The following MROH1 variants were observed in gnomAD, a reference collection of about 807,000 sequenced individuals.
The protein encoded by MROH1 is maestro heat like repeat family member 1, also known as maestro heat-like repeat-containing protein family member 1.
A neutral mutation model predicts 116.5 loss-of-function variants in MROH1; 117 were observed. The observed-to-expected ratio is 1.00, with a 90% CI of 0.86 to 1.17. MROH1 has a LOEUF of 1.17. Among genes scored for constraint, MROH1 ranks in the 50% most tolerant of loss-of-function variants. The pLI, the probability that MROH1 is intolerant of heterozygous loss-of-function variation, is 0.00. For synonymous variants in MROH1, 921 were observed against 583.9 expected (o/e 1.58, Z -8.32); for missense variants, 1,873 against 1,338.5 (o/e 1.40, Z -6.23).
Position 144,148,089 on chromosome 8 carries a change from T to TG in MROH1, c.-177+17dup, listed in dbSNP as rs1178805684. 4 of 151,004 alleles carry TG rather than the reference T, an allele frequency of 2.6e-5. No homozygotes were observed. The highest frequency in any genetic ancestry group is 9.8e-5 in the African/African-American group (4 of 40,962). The allele number at this position is 151,004 out of a possible 1,614,324, so 9.4% of individuals were successfully genotyped here. ...GGCGGCTCCTCAGGTAAACGGCGGG[T>TG]GGGGATGAGCCTTCGGCGGCGCTGG... On this transcript the variant is annotated intron_variant, in intron 1 of 43. Coordinates refer to ENST00000326134, the MANE Select transcript of MROH1 (RefSeq NM_032450.3).
rs201317050 is a variant in MROH1 at position 144,180,475 on chromosome 8, G to C, written c.514G>C (p.Val172Leu). 38 of 1,612,494 alleles carry C rather than the reference G, an allele frequency of 2.4e-5. No homozygotes were observed. The highest frequency in any genetic ancestry group is 2.9e-5 in the Non-Finnish European group (34 of 1,179,822). Residue 172 changes from valine to leucine, a missense_variant, in exon 7 of 44, where the codon GTG becomes CTG. Physicochemically the swap from Val to Leu is conservative, Grantham distance 32. Coordinates refer to ENST00000326134, the MANE Select transcript of MROH1 (RefSeq NM_032450.3). The surrounding 1 kb of genome is among the most constrained non-coding windows in gnomAD (Gnocchi z 7.4). ...LPSVLSSLLP[V>L]LGVAKQDTVR... Reference sequence around the variant, plus strand: ...ATCCGTCCTGAGCTCCCTGCTGCCCGTGCTGGGCGTGGCCAAGCAGGACAC... The same window carrying C: ...ATCCGTCCTGAGCTCCCTGCTGCCCCTGCTGGGCGTGGCCAAGCAGGACAC...
At chr8:144,186,265 GTGCCCGCCACCACACCC>G (rs1183699296) in intron 7 of MROH1, among the ~76,000 whole-genome samples, 1 of 151,974 alleles carries the variant, frequency 6.6e-6, no homozygotes, top group Non-Finnish European at 1.5e-5. Context: ...GCGACCAGAG[GTGCCCGCCACCACACCC>G]AGCTAATTTT....
intron 12 of MROH1, among the ~76,000 whole-genome samples, chr8:144,216,149 A>C (rs1327386369): frequency 6.6e-6 from 1 of 151,844 alleles, no homozygotes. Flanking sequence ...ATTGCACTCC[A>C]GCCTGGGCAG....
chr8:144,183,333 A>T (rs1180248162), intron 7 of MROH1, among the ~76,000 whole-genome samples: 1 of 150,850 alleles, frequency 6.6e-6, no homozygotes, highest in Non-Finnish European at 1.5e-5. Flanking sequence ...GTGAACCAAG[A>T]TCAAGCTACT....
chr8:144,188,972 C>T (rs1045705276), intron 7 of MROH1, among the ~76,000 whole-genome samples: 5 of 152,200 alleles, frequency 3.3e-5, no homozygotes, highest in Non-Finnish European at 5.9e-5. Flanking sequence ...GCCAGAACCA[C>T]ACAGCCAGCC....
At chr8:144,209,091 T>G (rs1833524668) in intron 12 of MROH1, among the ~76,000 whole-genome samples, 1 of 148,662 alleles carries the variant, frequency 6.7e-6, no homozygotes, top group Non-Finnish European at 1.5e-5. Context: ...GAGACGGAGT[T>G]TCGCCATGTT....
chr8:144,179,631 G>A, intron 5 of MROH1, 45 bp downstream of exon 5: 1 of 1,566,104 alleles, frequency 6.4e-7, no homozygotes. Context: ...GCCTAGCTTG[G>A]GAAGGGAAGC....
chr8:144,259,120 A>G, intron 36 of MROH1, 120 bp from the exon 37 acceptor site: 1 of 690,342 alleles, frequency 1.4e-6, no homozygotes, highest in Non-Finnish European at 2.7e-6. Flanking sequence ...TCTGAAACAT[A>G]GAACTCCCAG....
Position 144,243,605 on chromosome 8 carries a change from G to A in MROH1, c.2464G>A (p.Ala822Thr). 2.6e-6 allele frequency: 2 copies of A among 779,664 alleles called. No homozygotes were observed. Among genetic ancestry groups the A allele is most frequent in the Non-Finnish European group, 4.8e-6 (2 of 417,818 alleles). The allele number at this position is 779,664 out of a possible 1,614,324, so 48.3% of individuals were successfully genotyped here. ...FHFTRKAELV[A>T]QMMEFIRAEP... ...CTTCACCCGGAAAGCAGAGCTGGTG[G>A]CACAGATGATGGTGAGCGTGGCCGT... The change falls in exon 25 of 44, where the codon GCA becomes ACA. Residue 822 changes from alanine (A) to threonine (T), a missense_variant. Coordinates refer to ENST00000326134, the MANE Select transcript of MROH1 (RefSeq NM_032450.3).
chr8:144,196,903 G>A (rs906008342), intron 10 of MROH1, among the ~76,000 whole-genome samples: 2 of 151,772 alleles, frequency 1.3e-5, no homozygotes, highest in Admixed American at 6.6e-5. Flanking sequence ...AGACCAGCCT[G>A]ACCAACATGG....
intron 33 of MROH1, chr8:144,254,541 A>G (rs1843361271): frequency 2.4e-6 from 1 of 410,342 alleles, no homozygotes; most frequent in Non-Finnish European, 4.4e-6. Context: ...GTAGCTCCCC[A>G]GGGACCTCCC....
intron 4 of MROH1, chr8:144,175,035 A>G (rs983323468): frequency 1.0e-6 from 1 of 985,282 alleles, no homozygotes; most frequent in Non-Finnish European, 1.2e-6. Flanking sequence ...ACTTCCTCAT[A>G]TACATGAAGA....
At chr8:144,187,536 A>T (rs1000137051) in intron 7 of MROH1, among the ~76,000 whole-genome samples, 3 of 152,270 alleles carry the variant, frequency 2.0e-5, no homozygotes, top group South Asian at 2.1e-4. Flanking sequence ...CCCACAAATT[A>T]TTAGAGGTGA....
chr8:144,261,405 C>T (rs1490502259), intron 43 of MROH1, 56 bp downstream of exon 43: 18 of 700,282 alleles, frequency 2.6e-5, no homozygotes, highest in South Asian at 5.9e-5. Context: ...TGTAGGCACC[C>T]GCAGGGACTA....
At chr8:144,164,981 CTTTGTTTG>C (rs763363345) in intron 3 of MROH1, among the ~76,000 whole-genome samples, 1 of 151,872 alleles carries the variant, frequency 6.6e-6, no homozygotes, top group Admixed American at 6.6e-5. Flanking sequence ...TCCTTCAAGC[CTTTGTTTG>C]TTTGTTTGTT....
At chr8:144,225,022 TC>T (rs1837526247) in intron 14 of MROH1, among the ~76,000 whole-genome samples, 1 of 152,210 alleles carries the variant, frequency 6.6e-6, no homozygotes, top group Admixed American at 6.5e-5. Context: ...TTTTTTTTTT[TC>T]CATTTAAATT....
At chr8:144,157,500 A>G (rs1237811853) in intron 1 of MROH1, among the ~76,000 whole-genome samples, 1 of 151,904 alleles carries the variant, frequency 6.6e-6, no homozygotes, top group Non-Finnish European at 1.5e-5. Context: ...TCTTCCTTCC[A>G]TGTTTGGTAG....
intron 1 of MROH1, among the ~76,000 whole-genome samples, 197 bp downstream of exon 1, chr8:144,148,273 C>A (rs1222491231): frequency 6.6e-6 from 1 of 152,210 alleles, no homozygotes; most frequent in Non-Finnish European, 1.5e-5. Flanking sequence ...GTGTGCGCCG[C>A]GCCACAGCCC....
chr8:144,240,490 C>T, intron 19 of MROH1, 80 bp from the exon 20 acceptor site: 1 of 707,542 alleles, frequency 1.4e-6, no homozygotes, highest in Non-Finnish European at 2.6e-6. Flanking sequence ...GCAGCCACAG[C>T]ACATGGGGAT....
Sources: allele counts gnomAD v4.1 joint callset (sites outside exome capture counted in the v4.1 genomes callset), GRCh38; gene constraint gnomAD v4.1.1; non-coding constraint Gnocchi (gnomAD v3.1); transcripts MANE v1.5; gene names NCBI Gene and HGNC (gene_info 2026-07-23, HGNC 2026-07-21).